Variants in RAB27B observed in about 807,000 individuals in gnomAD.
RAB27B encodes the protein RAB27B, member RAS oncogene family.
RAB27B carries 15 observed loss-of-function variants against 24.6 expected under a neutral mutation model. That is an observed-to-expected ratio of 0.61 (90% CI 0.41 to 0.94). RAB27B has a LOEUF of 0.94. Among genes scored for constraint, RAB27B ranks in the 40% least tolerant of loss-of-function variants. The probability of loss-of-function intolerance (pLI) is 0.00; values close to 1 mark genes in which losing one functional copy is unlikely to be tolerated. For missense variants in RAB27B, 261 were observed against 266.8 expected, an observed-to-expected ratio of 0.98 and a Z score of 0.15; for synonymous variants, 105 against 92.5, an observed-to-expected ratio of 1.14 and a Z score of -0.78.
chr18:54,730,677 A>C (rs1409564503), intron 2 of RAB27B, among the ~76,000 whole-genome samples: 1 of 149,760 alleles, frequency 6.7e-6, no homozygotes, highest in Non-Finnish European at 1.5e-5. Flanking sequence ...CCTCCTCCTC[A>C]CTCTCTCGCT....
At chr18:54,797,551 A>T (rs1909463144) in intron 2 of RAB27B, among the ~76,000 whole-genome samples, 1 of 152,144 alleles carries the variant, frequency 6.6e-6, no homozygotes, top group African/African-American at 2.4e-5. Context: ...ATGCAAAAAC[A>T]TCCATTTCTT....
At chr18:54,886,087 T>C (rs868550067) in intron 4 of RAB27B, among the ~76,000 whole-genome samples, 2 of 152,072 alleles carry the variant, frequency 1.3e-5, no homozygotes, top group Non-Finnish European at 2.9e-5. Flanking sequence ...CATTTCAACG[T>C]TGGACATAGA....
chr18:54,794,675 T>C (rs999208430), intron 2 of RAB27B, among the ~76,000 whole-genome samples: 1 of 152,200 alleles, frequency 6.6e-6, no homozygotes, highest in African/African-American at 2.4e-5. Flanking sequence ...ATTCCCAGCT[T>C]TTTTTGAAGA....
intron 2 of RAB27B, among the ~76,000 whole-genome samples, chr18:54,749,014 A>C (rs1326583533): frequency 6.6e-6 from 1 of 152,108 alleles, no homozygotes; most frequent in African/African-American, 2.4e-5. Context: ...CTTATTATGC[A>C]GGTAAAGTTC....
rs1913050188 is a variant in RAB27B at position 54,884,418 on chromosome 18, A to G, written c.325A>G (p.Asn109Asp). The G allele has an allele frequency of 6.2e-7, 1 of 1,609,198 alleles. No individual in the cohort carries two copies. Among genetic ancestry groups the G allele is most frequent in the African/African-American group, 1.3e-5 (1 of 74,746 alleles). The change falls in exon 4 of 6, where the codon AAT (asparagine) becomes GAT (aspartate). Residue 109 changes from asparagine (N) to aspartate (D), a missense_variant. Asn to Asp is a conservative substitution (Grantham distance 23, BLOSUM62 1). Coordinates refer to ENST00000262094, the MANE Select transcript of RAB27B (RefSeq NM_004163.4). ...FDLTSQQSFL[N>D]VRNWMSQLQA... ...CCTCACCAGTCAACAGAGCTTCTTAAATGTCAGAAACTGGATGAGTAAGTG... is the reference window on the plus strand; with the variant it reads ...CCTCACCAGTCAACAGAGCTTCTTAGATGTCAGAAACTGGATGAGTAAGTG...
chr18:54,802,119 A>C (rs1393947480), intron 2 of RAB27B, among the ~76,000 whole-genome samples: 1 of 152,242 alleles, frequency 6.6e-6, no homozygotes, highest in African/African-American at 2.4e-5. Context: ...GTGAGGGATC[A>C]AAGTTATTCA....
chr18:54,870,475 C>T (rs1045330304), intron 1 of RAB27B, among the ~76,000 whole-genome samples: 1 of 152,060 alleles, frequency 6.6e-6, no homozygotes, highest in African/African-American at 2.4e-5. Flanking sequence ...ATCCTCACTG[C>T]TACTCTTTAA....
rs140012288 is a variant in RAB27B, at chr18:54,765,300, A to G, written c.-20+47159A>G. On this transcript the variant is annotated intron_variant, in intron 2 of 4. Transcript: ENST00000586570. ...AGCCACTGTGCCCAGCCCCTCTCTGATCTTAATTTCCCATTCCCTGGAGCC... is the reference window on the plus strand; with the variant it reads ...AGCCACTGTGCCCAGCCCCTCTCTGGTCTTAATTTCCCATTCCCTGGAGCC... Among the ~76,000 whole-genome samples the G allele has an allele frequency of 3.0e-3, 449 of 152,066 alleles. 6 individuals are homozygous for G. Among genetic ancestry groups the G allele is most frequent in the South Asian group, 0.028 (137 of 4,808 alleles).
chr18:54,762,912 G>A (rs959511803), intron 2 of RAB27B, among the ~76,000 whole-genome samples: 7 of 152,044 alleles, frequency 4.6e-5, no homozygotes, highest in South Asian at 2.1e-4. Flanking sequence ...CACCTGGGGG[G>A]TTCAGTGTGT....
chr18:54,755,109 G>A (rs1423053262), intron 2 of RAB27B, among the ~76,000 whole-genome samples: 1 of 152,126 alleles, frequency 6.6e-6, no homozygotes, highest in African/African-American at 2.4e-5. Context: ...GTCACTTAAG[G>A]CTGGGCACAG....
intron 2 of RAB27B, among the ~76,000 whole-genome samples, chr18:54,766,525 T>C (rs1433690937): frequency 6.6e-6 from 1 of 152,182 alleles, no homozygotes; most frequent in Non-Finnish European, 1.5e-5. Flanking sequence ...TTTTCCCATT[T>C]ATTTAATGAA....
At chr18:54,847,612 T>A (rs1396651690) in intron 1 of RAB27B, among the ~76,000 whole-genome samples, 2 of 152,342 alleles carry the variant, frequency 1.3e-5, no homozygotes, top group East Asian at 3.9e-4. Context: ...TAATTTATCT[T>A]ACTACTGATG....
intron 2 of RAB27B, among the ~76,000 whole-genome samples, chr18:54,733,650 G>GGCC (rs1909794792): frequency 1.2e-4 from 11 of 92,298 alleles, no homozygotes; most frequent in South Asian, 4.0e-4. Flanking sequence ...CTGTTCTAGA[G>GGCC]CCCCCCCCCC....
intron 1 of RAB27B, among the ~76,000 whole-genome samples, chr18:54,844,931 A>G (rs943592640): frequency 6.6e-6 from 1 of 152,162 alleles, no homozygotes; most frequent in African/African-American, 2.4e-5. Flanking sequence ...TTCAGGTTTA[A>G]TAAAGTTTTT....
chr18:54,849,773 A>G (rs966405225), intron 1 of RAB27B, among the ~76,000 whole-genome samples: 2 of 152,282 alleles, frequency 1.3e-5, no homozygotes, highest in Non-Finnish European at 1.5e-5. Context: ...TAGAAATTAT[A>G]TGATAAAATA....
chr18:54,859,547 C>T (rs1390485026), intron 1 of RAB27B, among the ~76,000 whole-genome samples: 3 of 151,664 alleles, frequency 2.0e-5, no homozygotes, highest in Admixed American at 6.6e-5. Context: ...GGGAATGGCA[C>T]TCTCTGTTGT....
At chr18:54,722,389 T>C (rs1909387089) in intron 2 of RAB27B, among the ~76,000 whole-genome samples, 1 of 152,138 alleles carries the variant, frequency 6.6e-6, no homozygotes, top group Non-Finnish European at 1.5e-5. Context: ...CACTGGTTGA[T>C]GGGTGTTGAT....
At chr18:54,846,291 G>T (rs1911334609) in intron 1 of RAB27B, among the ~76,000 whole-genome samples, 1 of 152,180 alleles carries the variant, frequency 6.6e-6, no homozygotes, top group African/African-American at 2.4e-5. Context: ...AGAAAACAAG[G>T]TTCTGTTTTG....
chr18:54,806,349 G>C (rs1909789859), intron 2 of RAB27B, among the ~76,000 whole-genome samples: 1 of 151,674 alleles, frequency 6.6e-6, no homozygotes, highest in South Asian at 2.1e-4. Flanking sequence ...GTTACTGTAT[G>C]GGAAGCATAG....
Sources: gnomAD v4.1 joint callset for allele counts (sites outside exome capture counted in the v4.1 genomes callset) on GRCh38, gnomAD v4.1.1 for gene constraint, MANE v1.5 for transcripts, NCBI Gene and HGNC (gene_info 2026-07-23, HGNC 2026-07-21) for gene names.